Variants in KCTD2 observed in about 807,000 individuals in gnomAD.
KCTD2 encodes potassium channel tetramerization domain containing 2, also known as BTB/POZ domain-containing protein KCTD2.
Under a neutral mutation model 27.9 loss-of-function variants are expected in KCTD2, and 18 were observed. The ratio of observed to expected loss-of-function variants is 0.64; its 90% CI spans 0.45 to 0.96. The LOEUF (loss-of-function observed/expected upper bound fraction) is 0.96. Ranked by LOEUF, KCTD2 falls within the 40% of genes least tolerant of loss-of-function variation. The pLI is 0.00. For synonymous variants in KCTD2, 175 were observed against 148.4 expected (o/e 1.18, Z -1.30); for missense variants, 280 against 348.0 (o/e 0.80, Z 1.56).
chr17:75,042,470 A>G (rs543711750), upstream of KCTD2: 6 of 1,588,202 alleles, frequency 3.8e-6, no homozygotes, highest in South Asian at 5.8e-5. Flanking sequence ...ATTCCTTAAT[A>G]CTGTTTTGTT....
At chr17:75,034,786 C>A (rs940310085) in intron 2 of KCTD2, among the ~76,000 whole-genome samples, 1 of 152,030 alleles carries the variant, frequency 6.6e-6, no homozygotes, top group Non-Finnish European at 1.5e-5. Flanking sequence ...TGGACGAGGG[C>A]GGAGGGAAGA....
intron 3 of KCTD2, among the ~76,000 whole-genome samples, chr17:75,037,536 C>A (rs1292821441): frequency 6.6e-6 from 1 of 152,116 alleles, no homozygotes; most frequent in Non-Finnish European, 1.5e-5. Context: ...AAATTAAATT[C>A]TCAAGACAGT....
At chr17:75,034,442 G>A (rs2040094090) in intron 2 of KCTD2, among the ~76,000 whole-genome samples, 3 of 152,146 alleles carry the variant, frequency 2.0e-5, no homozygotes. Flanking sequence ...ACCCCAGGTG[G>A]GACTCGAACC....
chr17:75,062,432 TTTTAG>T (rs1370021392), intron 5 of KCTD2, among the ~76,000 whole-genome samples, 187 bp downstream of exon 5: 1 of 152,112 alleles, frequency 6.6e-6, no homozygotes, highest in Non-Finnish European at 1.5e-5. Flanking sequence ...TGACAGGTGT[TTTTAG>T]TTAGAAAATA....
At chr17:75,059,236 A>T (rs2073380059) in intron 3 of KCTD2, 1 of 256,058 alleles carries the variant, frequency 3.9e-6, no homozygotes, top group Non-Finnish European at 7.3e-6. Context: ...GAATTATTTT[A>T]CCTTTTTTAT....
intron 4 of KCTD2, chr17:75,060,447 CATA>C: frequency 2.5e-6 from 4 of 1,609,548 alleles, no homozygotes; most frequent in Non-Finnish European, 3.4e-6. Context: ...AGTCCTCTAA[CATA>C]AGCCTTCCAA....
At position 75,060,659 on chromosome 17, in the gene KCTD2, G is replaced by A. The variant is rs1302988505; in HGVS notation, c.636+1054G>A. ...TGGCGAGTGGGCCCGGCCAGGGAGGGCGCGCGTGCGAGGGCGGGTCAGGCT... is the reference window on the plus strand; with the variant it reads ...TGGCGAGTGGGCCCGGCCAGGGAGGACGCGCGTGCGAGGGCGGGTCAGGCT... On this transcript the variant is annotated intron_variant, in intron 4 of 5. Coordinates refer to ENST00000322444, the MANE Select transcript of KCTD2 (RefSeq NM_015353.3). 5 of 1,519,354 alleles carry A rather than the reference G, an allele frequency of 3.3e-6. No homozygotes were observed. In the East Asian group the frequency reaches 7.3e-5, roughly 22 times the overall value. 94.1% of individuals were successfully genotyped at this position (1,519,354 alleles called of 1,614,324 possible).
intron 2 of KCTD2, among the ~76,000 whole-genome samples, chr17:75,034,333 C>T (rs1251754213): frequency 6.6e-6 from 1 of 152,054 alleles, no homozygotes; most frequent in Non-Finnish European, 1.5e-5. Flanking sequence ...GGGGCGCAAA[C>T]AGGGCAGAGG....
At chr17:75,051,865 AATTTATTCCTATAGGATCAC>A (rs2073291976) in intron 2 of KCTD2, among the ~76,000 whole-genome samples, 1 of 152,140 alleles carries the variant, frequency 6.6e-6, no homozygotes, top group South Asian at 2.1e-4. Context: ...CTTTATAGCA[AATTTATTCCTATAGGATCAC>A]ACGTCTCATA....
rs956318442 is a variant in KCTD2, at chr17:75,061,989, A to C, written c.637-131A>C. 5.0e-6 allele frequency: 5 copies of C among 1,002,074 alleles called. No individual in the cohort carries two copies. In the Admixed American group the frequency reaches 9.6e-5, roughly 19 times the overall value. The allele number at this position is 1,002,074 out of a possible 1,614,324, so 62.1% of individuals were successfully genotyped here. A position where few individuals can be genotyped will look rare whatever the true frequency, so the allele number is the denominator to read the frequency against. ...TCTCCCCGGGGGCTTTGGTAGTCAC[A>C]GAGAACTCATATAAAGAGTTAAACC... On this transcript the variant is annotated intron_variant, in intron 4 of 5. Transcript: ENST00000322444.
At chr17:75,040,086 A>G (rs768153184) in intron 3 of KCTD2, 1 of 1,613,772 alleles carries the variant, frequency 6.2e-7, no homozygotes, top group Non-Finnish European at 8.5e-7. Flanking sequence ...AGCCTCAACT[A>G]CTTACATCTT....
intron 4 of KCTD2, chr17:75,060,745 G>T (rs1245831328): frequency 2.3e-5 from 16 of 684,836 alleles, no homozygotes; most frequent in Non-Finnish European, 3.8e-5. Context: ...GAGTAAATAT[G>T]ATTTTATACG....
intron 3 of KCTD2, among the ~76,000 whole-genome samples, chr17:75,058,044 C>T (rs1023680636): frequency 6.6e-6 from 1 of 151,842 alleles, no homozygotes; most frequent in Admixed American, 6.6e-5. Flanking sequence ...AAAAAATTGG[C>T]TGGGCACAGT....
chr17:75,046,611 T>A (rs926016104), upstream of KCTD2, among the ~76,000 whole-genome samples: 1 of 152,182 alleles, frequency 6.6e-6, no homozygotes, highest in African/African-American at 2.4e-5. Context: ...GCGTAATGTT[T>A]CCCCAGTCCC....
At chr17:75,057,842 T>C (rs1375844419) in intron 3 of KCTD2, among the ~76,000 whole-genome samples, 1 of 151,562 alleles carries the variant, frequency 6.6e-6, no homozygotes, top group Non-Finnish European at 1.5e-5. Flanking sequence ...ATTATAGGCG[T>C]GAGTCACTGC....
intron 3 of KCTD2, among the ~76,000 whole-genome samples, chr17:75,055,853 A>G (rs1158685137): frequency 6.6e-6 from 1 of 151,068 alleles, no homozygotes; most frequent in Non-Finnish European, 1.5e-5. Context: ...AAAGAAAGAA[A>G]GAAACCCTGT....
intron 3 of KCTD2, chr17:75,039,612 C>CAGTG (rs1459054608): frequency 6.4e-6 from 2 of 310,924 alleles, no homozygotes; most frequent in Non-Finnish European, 1.2e-5. Flanking sequence ...TCTGGTGGAG[C>CAGTG]CACTGAGTTC....
chr17:75,046,437 T>C (rs1040351603), upstream of KCTD2, among the ~76,000 whole-genome samples: 3 of 152,158 alleles, frequency 2.0e-5, no homozygotes, highest in Non-Finnish European at 4.4e-5. Flanking sequence ...CTAGAACAGA[T>C]CATGCGCATA....
chr17:75,050,762 G>A (rs1410793138), intron 2 of KCTD2, among the ~76,000 whole-genome samples: 1 of 152,068 alleles, frequency 6.6e-6, no homozygotes, highest in East Asian at 1.9e-4. Context: ...AAAAGAGCAA[G>A]AATAACACAG....
Sources: allele counts gnomAD v4.1 joint callset (sites outside exome capture counted in the v4.1 genomes callset), GRCh38; gene constraint gnomAD v4.1.1; transcripts MANE v1.5; gene names NCBI Gene and HGNC (gene_info 2026-07-23, HGNC 2026-07-21).